The following NOX4 variants were observed in gnomAD, a reference collection of about 807,000 sequenced individuals.
The protein encoded by NOX4 is kidney oxidase-1.
NOX4 carries 69 observed loss-of-function variants against 87.6 expected under a neutral mutation model. The observed-to-expected ratio is 0.79, with a 90% CI of 0.65 to 0.96. NOX4 has a LOEUF of 0.96. Ranked by LOEUF, NOX4 falls within the 40% of genes least tolerant of loss-of-function variation. The probability of loss-of-function intolerance (pLI) is 0.00; values close to 1 mark genes in which losing one functional copy is unlikely to be tolerated. For missense variants in NOX4, 680 were observed against 681.5 expected, an observed-to-expected ratio of 1.00 and a Z score of 0.02; for synonymous variants, 275 against 238.2, an observed-to-expected ratio of 1.15 and a Z score of -1.42.
At chr11:89,460,392 A>C (rs1179298906) in intron 2 of NOX4, among the ~76,000 whole-genome samples, 3 of 152,214 alleles carry the variant, frequency 2.0e-5, no homozygotes, top group Non-Finnish European at 2.9e-5. Flanking sequence ...GAATGGGAGA[A>C]AATTTTTGCA....
chr11:89,514,734 G>A, the NOX4 span, among the ~76,000 whole-genome samples: 2 of 151,870 alleles, frequency 1.3e-5, no homozygotes, highest in African/African-American at 4.8e-5. Flanking sequence ...TGATGATCAT[G>A]TTTTTTGTTC....
chr11:89,479,589 T>C (rs1421761162), intron 2 of NOX4, among the ~76,000 whole-genome samples: 1 of 152,210 alleles, frequency 6.6e-6, no homozygotes, highest in African/African-American at 2.4e-5. Context: ...GATATGTGTC[T>C]GGAGACCTTG....
chr11:89,561,015 T>TATATATATTATATATATATATATATAC, the NOX4 span, among the ~76,000 whole-genome samples: 3 of 80,510 alleles, frequency 3.7e-5, no homozygotes, highest in African/African-American at 1.8e-4. Flanking sequence ...TATATATATA[T>TATATATATTATATATATATATATATAC]ATATACATAC....
rs535051170 is a variant in NOX4, at chr11:89,489,028, G to C, written c.153+1430C>G. 3 of 701,100 alleles carry C rather than the reference G, an allele frequency of 4.3e-6. No homozygotes were observed. In the East Asian group the frequency reaches 8.1e-5, roughly 19 times the overall value. 43.4% of individuals were successfully genotyped at this position (701,100 alleles called of 1,614,324 possible). On this transcript the variant is annotated intron_variant, in intron 2 of 17. Coordinates refer to ENST00000263317, the MANE Select transcript of NOX4 (RefSeq NM_016931.5). The stretch of plus-strand genomic sequence containing the variant: ...ATGGATGAAAGAAATAAATGAAATG[G>C]GTTTAGCTTTACAGACTATTTTTTT...
chr11:89,393,324 T>C (rs531396549), intron 11 of NOX4, among the ~76,000 whole-genome samples: 55 of 152,234 alleles, frequency 3.6e-4, no homozygotes, highest in Non-Finnish European at 4.4e-4. Context: ...TTGCAAACAC[T>C]TCTGTGAGAT....
intron 12 of NOX4, among the ~76,000 whole-genome samples, chr11:89,363,205 A>C (rs1938664749): frequency 6.6e-6 from 1 of 152,136 alleles, no homozygotes; most frequent in Non-Finnish European, 1.5e-5. Flanking sequence ...TTTATAAAAA[A>C]TAAAACAAAC....
chr11:89,564,784 G>A, the NOX4 span, among the ~76,000 whole-genome samples: 2 of 150,102 alleles, frequency 1.3e-5, no homozygotes, highest in African/African-American at 2.5e-5. Flanking sequence ...CCATCCCAAT[G>A]TGCATAGTGG....
chr11:89,369,589 C>T (rs1370640657), intron 12 of NOX4, among the ~76,000 whole-genome samples: 4 of 152,016 alleles, frequency 2.6e-5, no homozygotes, highest in Non-Finnish European at 4.4e-5. Flanking sequence ...CTAGTCATGG[C>T]AACAGCAACA....
At chr11:89,386,256 T>C (rs1940693327) in intron 11 of NOX4, among the ~76,000 whole-genome samples, 1 of 152,102 alleles carries the variant, frequency 6.6e-6, no homozygotes, top group Non-Finnish European at 1.5e-5. Flanking sequence ...CCCAAAAATT[T>C]GTCATCCCTA....
chr11:89,500,223 C>T (rs1409947749), upstream of NOX4, among the ~76,000 whole-genome samples: 1 of 152,038 alleles, frequency 6.6e-6, no homozygotes, highest in Non-Finnish European at 1.5e-5. Context: ...AAGTTTTGTA[C>T]CTTATTCCTT....
At chr11:89,395,876 T>C (rs1293177242) in intron 11 of NOX4, among the ~76,000 whole-genome samples, 5 of 152,190 alleles carry the variant, frequency 3.3e-5, no homozygotes, top group Non-Finnish European at 1.5e-5. Flanking sequence ...TCTGTTTTGG[T>C]AGCAGTACCA....
chr11:89,388,868 A>G (rs1015266429), intron 11 of NOX4, among the ~76,000 whole-genome samples: 34 of 152,222 alleles, frequency 2.2e-4, no homozygotes, highest in Non-Finnish European at 3.7e-4. Flanking sequence ...TGGAGAGTTT[A>G]CTATATTCCA....
the NOX4 span, among the ~76,000 whole-genome samples, chr11:89,506,235 AAGAGAGAGAG>A: frequency 6.7e-5 from 10 of 149,278 alleles, no homozygotes; most frequent in South Asian, 2.1e-4. Context: ...GAAAGAAAGA[AAGAGAGAGAG>A]AGAAAGAAAA....
At chr11:89,570,290 G>A in the NOX4 span, among the ~76,000 whole-genome samples, 1 of 152,078 alleles carries the variant, frequency 6.6e-6, no homozygotes, top group African/African-American at 2.4e-5. Flanking sequence ...ACTTATAAGT[G>A]GGAGCTAAAT....
chr11:89,337,224 G>C (rs1945754924), intron 16 of NOX4, among the ~76,000 whole-genome samples: 1 of 152,008 alleles, frequency 6.6e-6, no homozygotes, highest in African/African-American at 2.4e-5. Flanking sequence ...TAGTGAAGAG[G>C]GGAGGGGCAG....
At chr11:89,490,423 C>T in intron 2 of NOX4, 35 bp downstream of exon 2, 2 of 1,417,296 alleles carry the variant, frequency 1.4e-6, no homozygotes, top group African/African-American at 2.8e-5. Context: ...GTGTTAAACC[C>T]ATTCCACCAG....
chr11:89,372,772 A>C (rs1939540135), intron 12 of NOX4, among the ~76,000 whole-genome samples: 1 of 151,980 alleles, frequency 6.6e-6, no homozygotes, highest in African/African-American at 2.4e-5. Context: ...TCTTTCCTGT[A>C]ACAATAACAT....
At chr11:89,534,137 T>C in the NOX4 span, 2 of 152,378 alleles carry the variant, frequency 1.3e-5, no homozygotes, top group Admixed American at 1.3e-4. Flanking sequence ...CGTTCTGTGA[T>C]TAGACAAGGC....
chr11:89,399,433 AT>A (rs1941687638), intron 11 of NOX4, among the ~76,000 whole-genome samples: 27 of 12,376 alleles, frequency 2.2e-3, no homozygotes, highest in African/African-American at 9.1e-3. Flanking sequence ...AAGAAATTAA[AT>A]ATATATATAT....
Sources: allele counts gnomAD v4.1 joint callset (sites outside exome capture counted in the v4.1 genomes callset), GRCh38; gene constraint gnomAD v4.1.1; transcripts MANE v1.5; gene names NCBI Gene and HGNC (gene_info 2026-07-23, HGNC 2026-07-21).